ANXA8: variants seen among roughly 807,000 people sequenced by gnomAD.
ANXA8 encodes annexin A8.
A neutral mutation model predicts 26.8 loss-of-function variants in ANXA8; 9 were observed. The ratio of observed to expected loss-of-function variants is 0.34; its 90% CI spans 0.20 to 0.59. The LOEUF (loss-of-function observed/expected upper bound fraction) is 0.59. Ranked by LOEUF, ANXA8 falls within the 20% of genes least tolerant of loss-of-function variation. ANXA8 has a pLI of 0.84. For missense variants in ANXA8, 83 were observed against 238.5 expected (o/e 0.35, Z 4.29); for synonymous variants, 39 against 94.8 (o/e 0.41, Z 3.42).
At chr10:47,970,351 C>T in the ANXA8 span, 1 of 151,186 alleles carries the variant, frequency 6.6e-6, no homozygotes, top group African/African-American at 2.4e-5. Context: ...GCTTGTGGCA[C>T]TGAAGAATGT....
chr10:47,671,127 T>C, the ANXA8 span, among the ~76,000 whole-genome samples: 1 of 152,048 alleles, frequency 6.6e-6, no homozygotes, highest in South Asian at 2.1e-4. Flanking sequence ...TTATTAATAT[T>C]AAAGATTATA....
chr10:47,554,110 A>AAAATAAAT, the ANXA8 span, among the ~76,000 whole-genome samples: 27,388 of 129,552 alleles, frequency 0.21, 2,967 homozygotes, highest in East Asian at 0.32. Flanking sequence ...CATCTCTCAA[A>AAAATAAAT]AAATAAATAA....
chr10:47,735,055 C>A, the ANXA8 span, among the ~76,000 whole-genome samples: 1 of 148,532 alleles, frequency 6.7e-6, no homozygotes, highest in Non-Finnish European at 1.5e-5. Flanking sequence ...AAAAAAAAAA[C>A]GTTTTCCTTT....
At chr10:47,979,351 C>A in the ANXA8 span, among the ~76,000 whole-genome samples, 5 of 151,820 alleles carry the variant, frequency 3.3e-5, no homozygotes, top group African/African-American at 9.6e-5. Context: ...TCCACCACCA[C>A]CAACAGAATA....
the ANXA8 span, among the ~76,000 whole-genome samples, chr10:47,769,743 C>G: frequency 3.3e-5 from 5 of 152,300 alleles, no homozygotes; most frequent in Non-Finnish European, 5.9e-5. Context: ...CTTCTGTGGT[C>G]AATTAAATGA....
At chr10:47,760,633 C>T in the ANXA8 span, among the ~76,000 whole-genome samples, 1 of 151,070 alleles carries the variant, frequency 6.6e-6, no homozygotes, top group East Asian at 1.9e-4. Flanking sequence ...GCAGCAAGCA[C>T]TTCATAAATG....
the ANXA8 span, among the ~76,000 whole-genome samples, chr10:47,683,338 C>T: frequency 2.0e-5 from 3 of 150,062 alleles, no homozygotes; most frequent in South Asian, 4.2e-4. Flanking sequence ...ACGCCATGCT[C>T]CTGCCTCAGC....
chr10:47,521,318 C>T, the ANXA8 span, among the ~76,000 whole-genome samples: 1 of 140,152 alleles, frequency 7.1e-6, no homozygotes, highest in African/African-American at 2.7e-5. Context: ...TAAGTTTATA[C>T]AAGTACTTAC....
the ANXA8 span, among the ~76,000 whole-genome samples, chr10:47,495,792 C>T: frequency 1.3e-4 from 20 of 150,914 alleles, no homozygotes; most frequent in African/African-American, 2.5e-4. Context: ...GCAGAACCAA[C>T]GCAGGAAGCC....
chr10:47,609,515 C>T, the ANXA8 span, among the ~76,000 whole-genome samples: 1 of 69,290 alleles, frequency 1.4e-5, no homozygotes, highest in Non-Finnish European at 2.7e-5. Flanking sequence ...TAAATGAATG[C>T]GCGGCATGAG....
the ANXA8 span, among the ~76,000 whole-genome samples, chr10:47,693,232 G>A: frequency 6.6e-6 from 1 of 151,644 alleles, no homozygotes; most frequent in Non-Finnish European, 1.5e-5. Context: ...ATAGTTTACA[G>A]GAGGAATGAG....
chr10:47,674,731 A>G, the ANXA8 span, among the ~76,000 whole-genome samples: 1 of 151,656 alleles, frequency 6.6e-6, no homozygotes. Context: ...TTATCCATTC[A>G]ATTTTTAAAA....
chr10:47,778,518 G>C, the ANXA8 span, among the ~76,000 whole-genome samples: 1 of 151,782 alleles, frequency 6.6e-6, no homozygotes, highest in Non-Finnish European at 1.5e-5. Context: ...AGAAAGACTA[G>C]GGTCCATAGT....
chr10:47,709,622 T>G, the ANXA8 span, among the ~76,000 whole-genome samples: 3 of 138,780 alleles, frequency 2.2e-5, no homozygotes, highest in African/African-American at 8.8e-5. Context: ...TTAAAAGCTC[T>G]CTGAGCTCAG....
the ANXA8 span, among the ~76,000 whole-genome samples, chr10:47,533,086 T>A: frequency 1.4e-5 from 2 of 142,768 alleles, no homozygotes; most frequent in Non-Finnish European, 3.0e-5. Flanking sequence ...CCCAGGACCC[T>A]TAAGCCAGCT....
At chr10:47,555,886 A>G in the ANXA8 span, among the ~76,000 whole-genome samples, 1 of 152,090 alleles carries the variant, frequency 6.6e-6, no homozygotes, top group African/African-American at 2.4e-5. Flanking sequence ...TGATGAACCT[A>G]GCAGGACACA....
At chr10:47,714,285 T>A in the ANXA8 span, among the ~76,000 whole-genome samples, 3 of 142,302 alleles carry the variant, frequency 2.1e-5, no homozygotes, top group African/African-American at 7.6e-5. Context: ...TTCTAGCTAG[T>A]GATGTTCTGT....
the ANXA8 span, among the ~76,000 whole-genome samples, chr10:47,667,615 T>C: frequency 6.6e-6 from 1 of 151,942 alleles, no homozygotes; most frequent in Non-Finnish European, 1.5e-5. Context: ...AGTGGCATGA[T>C]CTTGGCGCAC....
chr10:47,896,745 A>C, the ANXA8 span, among the ~76,000 whole-genome samples: 1 of 151,318 alleles, frequency 6.6e-6, no homozygotes, highest in African/African-American at 2.4e-5. Context: ...AGCCCTGGAG[A>C]CAGCCTTCAC....
Sources: gnomAD v4.1 joint callset for allele counts (sites outside exome capture counted in the v4.1 genomes callset) on GRCh38, gnomAD v4.1.1 for gene constraint, MANE v1.5 for transcripts, NCBI Gene and HGNC (gene_info 2026-07-23, HGNC 2026-07-21) for gene names.